CABCOCO1: variants seen among roughly 807,000 people sequenced by gnomAD.
The protein encoded by CABCOCO1 is ciliary-associated calcium-binding coiled-coil protein 1.
Under a neutral mutation model 35.7 loss-of-function variants are expected in CABCOCO1, and 28 were observed. That is an observed-to-expected ratio of 0.78 (90% CI 0.58 to 1.07). The LOEUF (loss-of-function observed/expected upper bound fraction) is 1.07. CABCOCO1 is among the 50% of genes least tolerant of loss of function. The pLI, the probability that CABCOCO1 is intolerant of heterozygous loss-of-function variation, is 0.00. For missense variants in CABCOCO1, 326 were observed against 309.2 expected, an observed-to-expected ratio of 1.05 and a Z score of -0.41; for synonymous variants, 95 against 100.1, an observed-to-expected ratio of 0.95 and a Z score of 0.30.
chr10:61,677,285 G>A, intron 2 of CABCOCO1, among the ~76,000 whole-genome samples: 1 of 151,964 alleles, frequency 6.6e-6, no homozygotes, highest in Non-Finnish European at 1.5e-5. Context: ...GGAATTTATT[G>A]CAAAAGATAA....
chr10:61,740,278 A>G (rs1841520725), intron 5 of CABCOCO1, among the ~76,000 whole-genome samples: 1 of 152,194 alleles, frequency 6.6e-6, no homozygotes, highest in Admixed American at 6.5e-5. Flanking sequence ...ATCTTTGTAT[A>G]GATACAGCTT....
At chr10:61,743,922 T>C (rs1425441069) in intron 5 of CABCOCO1, among the ~76,000 whole-genome samples, 1 of 152,180 alleles carries the variant, frequency 6.6e-6, no homozygotes, top group Non-Finnish European at 1.5e-5. Context: ...ACTCTACATA[T>C]ACTTCTAATA....
chr10:61,751,699 T>C (rs2588991), intron 5 of CABCOCO1, among the ~76,000 whole-genome samples: 10,559 of 152,252 alleles, frequency 0.069, 484 homozygotes, highest in Non-Finnish European at 0.11. Flanking sequence ...TTTGTATAAA[T>C]AGAGAAAAAG....
intron 5 of CABCOCO1, among the ~76,000 whole-genome samples, chr10:61,712,686 G>A (rs1027640998): frequency 1.3e-5 from 2 of 152,152 alleles, no homozygotes; most frequent in African/African-American, 4.8e-5. Flanking sequence ...TATGTATAAG[G>A]TGTAATTAAG....
chr10:61,675,757 A>C (rs773300895), intron 2 of CABCOCO1, among the ~76,000 whole-genome samples: 14 of 152,108 alleles, frequency 9.2e-5, no homozygotes, highest in Non-Finnish European at 1.8e-4. Flanking sequence ...AAAATATATA[A>C]AGAAGAAGCT....
rs569464596 is a variant in CABCOCO1 at position 61,695,847 on chromosome 10, A to G, written c.552+5226A>G. ...AAACATGGGCAAAGAATATGAACAG[A>G]CAATATGAGGATTTTAATAGAGGGA... On this transcript the variant is annotated intron_variant, in intron 5 of 7. Coordinates refer to ENST00000648843, the MANE Select transcript of CABCOCO1 (RefSeq NM_001366906.2). Among the ~76,000 whole-genome samples the G allele has an allele frequency of 3.5e-4, 53 of 152,258 alleles. 1 individual carries two copies. In the South Asian group the frequency reaches 0.011, roughly 31 times the overall value.
At chr10:61,715,896 A>G (rs1840853150) in intron 5 of CABCOCO1, among the ~76,000 whole-genome samples, 1 of 152,164 alleles carries the variant, frequency 6.6e-6, no homozygotes, top group African/African-American at 2.4e-5. Context: ...AGTCTGATGG[A>G]CTTCCCTTTG....
chr10:61,694,525 T>C (rs550425776), intron 5 of CABCOCO1, among the ~76,000 whole-genome samples: 1 of 151,938 alleles, frequency 6.6e-6, no homozygotes, highest in South Asian at 2.1e-4. Context: ...GAATCCAATT[T>C]ATTAACAGAT....
chr10:61,696,122 G>C (rs747871824), intron 5 of CABCOCO1, among the ~76,000 whole-genome samples: 5 of 152,088 alleles, frequency 3.3e-5, no homozygotes, highest in Non-Finnish European at 7.4e-5. Context: ...AATACACGAT[G>C]ACAATAGCAT....
At chr10:61,760,295 C>CCTCATGAACAGGAATAT in intron 6 of CABCOCO1, 114 bp downstream of exon 6, 2 of 1,330,372 alleles carry the variant, frequency 1.5e-6, no homozygotes, top group Admixed American at 4.6e-5. Context: ...TTTTCCCAAC[C>CCTCATGAACAGGAATAT]AAATACAAAT....
At chr10:61,688,631 C>G (rs143728531) in intron 4 of CABCOCO1, among the ~76,000 whole-genome samples, 2 of 152,000 alleles carry the variant, frequency 1.3e-5, no homozygotes, top group Non-Finnish European at 2.9e-5. Context: ...GGGAATTAGG[C>G]GATAGTAATC....
chr10:61,685,906 A>C (rs1461374944), intron 3 of CABCOCO1, 135 bp from the exon 4 acceptor site: 1 of 760,758 alleles, frequency 1.3e-6, no homozygotes, highest in African/African-American at 1.9e-5. Flanking sequence ...TATTATGAAG[A>C]AACAAGAGTT....
intron 7 of CABCOCO1, among the ~76,000 whole-genome samples, chr10:61,763,252 G>A (rs1329960754): frequency 6.6e-6 from 1 of 151,934 alleles, no homozygotes; most frequent in African/African-American, 2.4e-5. Flanking sequence ...TTTCTATGTG[G>A]TTTCAGGCAT....
At chr10:61,682,314 A>T (rs1304956987) in intron 3 of CABCOCO1, among the ~76,000 whole-genome samples, 1 of 152,216 alleles carries the variant, frequency 6.6e-6, no homozygotes, top group African/African-American at 2.4e-5. Context: ...TAACCAGAAA[A>T]AAAGCAAGGA....
intron 5 of CABCOCO1, among the ~76,000 whole-genome samples, chr10:61,745,355 A>G (rs1054266907): frequency 2.0e-5 from 3 of 152,162 alleles, no homozygotes; most frequent in African/African-American, 7.2e-5. Context: ...GGTAACTATT[A>G]TGAGGCTAGT....
chr10:61,691,946 A>G (rs146880544), intron 5 of CABCOCO1, among the ~76,000 whole-genome samples: 2 of 152,172 alleles, frequency 1.3e-5, no homozygotes, highest in Admixed American at 6.5e-5. Context: ...TACTGCTTCA[A>G]TAAACATATG....
intron 2 of CABCOCO1, 44 bp from the exon 3 acceptor site, chr10:61,681,099 T>C (rs1446450262): frequency 2.5e-6 from 3 of 1,204,478 alleles, no homozygotes; most frequent in Non-Finnish European, 2.2e-6. Context: ...AATGGTTCAA[T>C]ATCTAATCTG....
At chr10:61,723,851 G>T (rs955268054) in intron 5 of CABCOCO1, among the ~76,000 whole-genome samples, 1 of 152,054 alleles carries the variant, frequency 6.6e-6, no homozygotes, top group African/African-American at 2.4e-5. Context: ...GAACACAACC[G>T]ATCATGGCAA....
chr10:61,704,192 C>T (rs1423452007), intron 5 of CABCOCO1, among the ~76,000 whole-genome samples: 2 of 152,210 alleles, frequency 1.3e-5, no homozygotes, highest in Admixed American at 6.5e-5. Flanking sequence ...CCACTGCCTT[C>T]CAGCCTGGGT....
Sources: allele counts gnomAD v4.1 joint callset (sites outside exome capture counted in the v4.1 genomes callset), GRCh38; gene constraint gnomAD v4.1.1; transcripts MANE v1.5; gene names NCBI Gene and HGNC (gene_info 2026-07-23, HGNC 2026-07-21).